The following MAML3 variants were observed in gnomAD, a reference collection of about 807,000 sequenced individuals.
MAML3 encodes mastermind-like protein 3.
A neutral mutation model predicts 101.9 loss-of-function variants in MAML3; 27 were observed. The observed-to-expected ratio is 0.27, with a 90% confidence interval of 0.20 to 0.37. The LOEUF (loss-of-function observed/expected upper bound fraction) is 0.37. Among genes scored for constraint, MAML3 ranks in the 10% least tolerant of loss-of-function variants. The pLI is 1.00. For synonymous variants in MAML3, 501 were observed against 555.9 expected (o/e 0.90, Z 1.39); for missense variants, 1,316 against 1,444.9 (o/e 0.91, Z 1.45).
At chr4:139,932,397 A>C (rs964024672) in intron 1 of MAML3, among the ~76,000 whole-genome samples, 1 of 152,210 alleles carries the variant, frequency 6.6e-6, no homozygotes, top group African/African-American at 2.4e-5. Context: ...CCTCAAACTA[A>C]GGTTAACAAA....
chr4:139,748,053 TAAAA>T (rs34801574), intron 2 of MAML3, among the ~76,000 whole-genome samples: 13 of 95,532 alleles, frequency 1.4e-4, no homozygotes, highest in Admixed American at 2.3e-4. Flanking sequence ...AGACTTCGTC[TAAAA>T]AAAAAAAAAA....
At chr4:139,848,731 G>C (rs1054357115) in intron 2 of MAML3, among the ~76,000 whole-genome samples, 2 of 152,134 alleles carry the variant, frequency 1.3e-5, no homozygotes, top group Non-Finnish European at 2.9e-5. Context: ...AGTAAGTTTT[G>C]TCTAAGTTTT....
chr4:139,923,618 TTGTGTG>T (rs3079902), intron 1 of MAML3, among the ~76,000 whole-genome samples: 22 of 150,426 alleles, frequency 1.5e-4, no homozygotes, highest in East Asian at 1.2e-3. Flanking sequence ...GGGGTAGTCT[TTGTGTG>T]TGTGTGTGTG....
intron 2 of MAML3, among the ~76,000 whole-genome samples, chr4:139,747,508 A>G (rs1352735095): frequency 6.6e-6 from 1 of 152,108 alleles, no homozygotes; most frequent in Non-Finnish European, 1.5e-5. Context: ...AGCATGGCCA[A>G]CATGGTGAAA....
rs889753586 is a variant in MAML3, at chr4:139,735,567, G to A, written c.2080-4900C>T. The stretch of plus-strand genomic sequence containing the variant: ...TGCACAAAGCCGGCCCGGGGAGGGG[G>A]CGATAAGGAGCGAGCCTCGGGTCGG... On this transcript the variant is annotated intron_variant, in intron 2 of 4. Transcript: ENST00000509479. This position sits in a 1 kb window ranked among gnomAD's most constrained non-coding sequence, Gnocchi z 5.8. 6.6e-6 allele frequency among the ~76,000 whole-genome samples: 1 copy of A among 152,166 alleles called. No individual in the cohort carries two copies. The highest frequency in any genetic ancestry group is 2.4e-5 in the African/African-American group (1 of 41,444).
chr4:139,942,085 G>T (rs1254379592), intron 1 of MAML3, among the ~76,000 whole-genome samples: 1 of 152,032 alleles, frequency 6.6e-6, no homozygotes, highest in Non-Finnish European at 1.5e-5. Flanking sequence ...AGTGAGCAAA[G>T]ATCGTGCCAC....
At chr4:139,952,493 C>A (rs1366590092) in intron 1 of MAML3, among the ~76,000 whole-genome samples, 2 of 152,140 alleles carry the variant, frequency 1.3e-5, no homozygotes, top group African/African-American at 4.8e-5. Context: ...GTGTAAAAAT[C>A]CCTACCAACC....
intron 1 of MAML3, among the ~76,000 whole-genome samples, chr4:140,042,303 T>C (rs1727098161): frequency 1.3e-5 from 2 of 152,192 alleles, no homozygotes. Flanking sequence ...GAACAAACCA[T>C]GGCTTAACAA....
intron 2 of MAML3, among the ~76,000 whole-genome samples, chr4:139,778,704 G>T (rs1730138453): frequency 6.6e-6 from 1 of 152,152 alleles, no homozygotes; most frequent in Admixed American, 6.5e-5. Flanking sequence ...CTATGAGCTG[G>T]CCAGGCACAG....
At chr4:139,859,924 C>A (rs897650817) in intron 2 of MAML3, among the ~76,000 whole-genome samples, 2 of 152,152 alleles carry the variant, frequency 1.3e-5, no homozygotes, top group African/African-American at 4.8e-5. Flanking sequence ...CAAACGAGAG[C>A]GGAGAGGCCT....
chr4:139,934,275 G>A lies in MAML3; in HGVS notation c.469-43308C>T, dbSNP rs537954174. ...TGTGTGAATGTGTGTAAGAGTGTGT[G>A]GGACTATGGGTGTGTGTGCGACTAT... On this transcript the variant is annotated intron_variant, in intron 1 of 4. Coordinates refer to ENST00000509479, the MANE Select transcript of MAML3 (RefSeq NM_018717.5). Among the ~76,000 whole-genome samples, 3 of 152,074 alleles carry A rather than the reference G, an allele frequency of 2.0e-5. No individual in the cohort carries two copies. In the South Asian group the frequency reaches 6.2e-4, roughly 32 times the overall value.
At chr4:139,898,765 A>G (rs1732661084) in intron 1 of MAML3, among the ~76,000 whole-genome samples, 2 of 152,254 alleles carry the variant, frequency 1.3e-5, no homozygotes, top group Non-Finnish European at 2.9e-5. Flanking sequence ...CCAGCAGGTA[A>G]TAAGCCTATG....
intron 1 of MAML3, among the ~76,000 whole-genome samples, chr4:140,093,984 G>A (rs1235079956): frequency 6.6e-6 from 1 of 152,208 alleles, no homozygotes. Context: ...CAGCAGGAGG[G>A]CCAGCAGCTG....
chr4:139,734,953 T>A (rs1305101215), intron 2 of MAML3, among the ~76,000 whole-genome samples: 1 of 152,260 alleles, frequency 6.6e-6, no homozygotes, highest in Non-Finnish European at 1.5e-5. Context: ...GCAGAGCAGC[T>A]GCCGTTCTTC....
intron 1 of MAML3, among the ~76,000 whole-genome samples, chr4:140,125,370 C>G (rs1470417382): frequency 6.6e-6 from 1 of 152,054 alleles, no homozygotes; most frequent in Non-Finnish European, 1.5e-5. Context: ...GAGTTTGAGG[C>G]CAGCCTGGAA....
At chr4:139,860,756 T>TGAG (rs1053380106) in intron 2 of MAML3, among the ~76,000 whole-genome samples, 22 of 152,286 alleles carry the variant, frequency 1.4e-4, no homozygotes, top group Admixed American at 5.2e-4. Flanking sequence ...ACCTACAGTA[T>TGAG]GAGGTATTGT....
chr4:140,056,452 G>A (rs1299364984), intron 1 of MAML3, among the ~76,000 whole-genome samples: 1 of 151,158 alleles, frequency 6.6e-6, no homozygotes, highest in Non-Finnish European at 1.5e-5. Context: ...CTGCCTCCCA[G>A]GTTCAAAAGA....
In MAML3 at chr4:139,862,773, A is replaced by G. The variant is rs10018098; in HGVS notation, c.2079+26584T>C. Among the ~76,000 whole-genome samples the G allele has an allele frequency of 2.2e-3, 332 of 152,332 alleles. 1 individual carries two copies. Among genetic ancestry groups the G allele is most frequent in the African/African-American group, 7.4e-3 (309 of 41,584 alleles). On this transcript the variant is annotated intron_variant, in intron 2 of 4. Coordinates refer to ENST00000509479, the MANE Select transcript of MAML3 (RefSeq NM_018717.5). The stretch of plus-strand genomic sequence containing the variant: ...GGCACTGGACTAGAATAGAACTAGA[A>G]TAGGACTCTGGAGACCCAAATGTAG...
chr4:140,035,266 G>A (rs1249423687), intron 1 of MAML3, among the ~76,000 whole-genome samples: 18 of 152,070 alleles, frequency 1.2e-4, no homozygotes, highest in East Asian at 3.9e-4. Flanking sequence ...GAGCCACCAC[G>A]CCCGGCCAAG....
Sources: allele counts gnomAD v4.1 joint callset (sites outside exome capture counted in the v4.1 genomes callset), GRCh38; gene constraint gnomAD v4.1.1; non-coding constraint Gnocchi (gnomAD v3.1); transcripts MANE v1.5; gene names NCBI Gene and HGNC (gene_info 2026-07-23, HGNC 2026-07-21).